The following LMF1 variants were observed in gnomAD, a reference collection of about 807,000 sequenced individuals.
The protein encoded by LMF1 is lipase maturation factor 1, also known as transmembrane protein 112.
A neutral mutation model predicts 60.6 loss-of-function variants in LMF1; 68 were observed. The ratio of observed to expected loss-of-function variants is 1.12; its 90% CI spans 0.92 to 1.37. LMF1 has a LOEUF of 1.37. Ranked by LOEUF, LMF1 falls within the 40% of genes most tolerant of loss-of-function variation. LMF1 has a pLI of 0.00. For synonymous variants in LMF1, 418 were observed against 324.7 expected (o/e 1.29, Z -3.09); for missense variants, 948 against 767.2 (o/e 1.24, Z -2.78).
At chr16:979,685 G>C (rs2151513682) in intron 1 of LMF1, 1 of 454,118 alleles carries the variant, frequency 2.2e-6, no homozygotes, top group South Asian at 1.6e-5. Context: ...TAATGCAACT[G>C]CTTTTCTTTG....
intron 1 of LMF1, chr16:979,424 C>T (rs1228394058): frequency 2.9e-6 from 1 of 347,456 alleles, no homozygotes; most frequent in Non-Finnish European, 5.7e-6. Context: ...CCTCCTGTGG[C>T]AGCCTGCACG....
At chr16:956,383 G>A (rs548607080) in intron 1 of LMF1, among the ~76,000 whole-genome samples, 2 of 152,310 alleles carry the variant, frequency 1.3e-5, no homozygotes, top group South Asian at 2.1e-4. Context: ...ACATTCCCAT[G>A]TGTAAACGTG....
intron 3 of LMF1, among the ~76,000 whole-genome samples, chr16:924,731 G>C (rs949892918): frequency 4.6e-5 from 7 of 152,218 alleles, no homozygotes; most frequent in African/African-American, 1.7e-4. Flanking sequence ...CCAGGCACTG[G>C]AAATGATAAA....
intron 1 of LMF1, chr16:979,865 T>TA (rs1165454802): frequency 2.3e-6 from 1 of 425,554 alleles, no homozygotes; most frequent in Non-Finnish European, 4.8e-6. Flanking sequence ...ATCCCAGGCC[T>TA]AACAGATGAG....
At chr16:860,437 T>C (rs2069426971) in intron 10 of LMF1, among the ~76,000 whole-genome samples, 1 of 151,880 alleles carries the variant, frequency 6.6e-6, no homozygotes, top group South Asian at 2.1e-4. Context: ...CCTCCCAGGC[T>C]CAAGTGATCC....
At chr16:859,508 GTGTTGTCAC>G (rs2151684321) in intron 10 of LMF1, among the ~76,000 whole-genome samples, 2 of 75,520 alleles carry the variant, frequency 2.6e-5, no homozygotes, top group Non-Finnish European at 4.9e-5. Flanking sequence ...CGGGTGTGCA[GTGTTGTCAC>G]GGGACGGGTG....
At chr16:953,401 C>G (rs366644) in intron 2 of LMF1, among the ~76,000 whole-genome samples, 16 of 26,986 alleles carry the variant, frequency 5.9e-4, no homozygotes, top group Middle Eastern at 0.028. Flanking sequence ...ACACAGACAC[C>G]CACCCCAAAC....
intron 3 of LMF1, among the ~76,000 whole-genome samples, chr16:916,868 T>C (rs557121045): frequency 1.2e-4 from 18 of 152,300 alleles, no homozygotes; most frequent in African/African-American, 4.1e-4. Context: ...ACCTCCCGGG[T>C]GTCCCCTCGC....
At position 871,189 on chromosome 16, in the gene LMF1, G is replaced by A. The variant is rs2069778945; in HGVS notation, c.1050C>T (p.Ile350=). 3 of 1,608,110 alleles carry A rather than the reference G, an allele frequency of 1.9e-6. No individual in the cohort carries two copies. Among genetic ancestry groups the A allele is most frequent in the Non-Finnish European group, 2.5e-6 (3 of 1,178,126 alleles). ...ATCTGGGCTCGGGCCGGGCCCCTCG[G>A]ATGTCCCTCTGCATCTGCAGAACTC... ...KDRVLQMQRD[I]RGARPEPRFG... The change falls in exon 7 of 11, where the codon ATC becomes ATT. Residue 350 remains isoleucine (I), a synonymous_variant. Transcript: ENST00000262301.
At chr16:865,321 G>C (rs1399229095) in intron 10 of LMF1, among the ~76,000 whole-genome samples, 1 of 152,176 alleles carries the variant, frequency 6.6e-6, no homozygotes, top group Non-Finnish European at 1.5e-5. Flanking sequence ...TGGAACTCAA[G>C]AGAAGGAACG....
chr16:978,196 C>T lies in LMF1; in HGVS notation c.-135+2949G>A, dbSNP rs569233744. On this transcript the variant is annotated intron_variant, in intron 1 of 6. Transcript: ENST00000570014. ...ACCATACACGCACCCCACACACATA[C>T]ATCACACACATCATACACATACACA... Among the ~76,000 whole-genome samples the T allele has an allele frequency of 1.6e-3, 245 of 150,724 alleles. 1 individual carries two copies. Among genetic ancestry groups the T allele is most frequent in the Non-Finnish European group, 2.5e-3 (167 of 67,542 alleles).
chr16:981,339 AGAGAG>A, upstream of LMF1: 7 of 306,146 alleles, frequency 2.3e-5, no homozygotes, highest in African/African-American at 5.8e-5. Flanking sequence ...AGAGAGAGAG[AGAGAG>A]AGAGTGTGTG....
chr16:954,154 G>A, intron 2 of LMF1: 1 of 696,180 alleles, frequency 1.4e-6, no homozygotes, highest in African/African-American at 1.7e-5. Context: ...CTGCAAAGAG[G>A]TGGGGTTTTA....
At chr16:857,208 G>A (rs1361455904) in intron 10 of LMF1, among the ~76,000 whole-genome samples, 2 of 152,230 alleles carry the variant, frequency 1.3e-5, no homozygotes, top group Non-Finnish European at 2.9e-5. Context: ...TGTCTGTGAC[G>A]GCTGCCGTAA....
At chr16:978,234 C>G (rs984518331) in intron 1 of LMF1, among the ~76,000 whole-genome samples, 1 of 151,778 alleles carries the variant, frequency 6.6e-6, no homozygotes, top group South Asian at 2.1e-4. Flanking sequence ...ACACACCATA[C>G]ACACCATACG....
intron 3 of LMF1, among the ~76,000 whole-genome samples, chr16:918,586 A>G (rs1012685228): frequency 8.6e-5 from 13 of 151,972 alleles, no homozygotes; most frequent in African/African-American, 2.7e-4. Flanking sequence ...CCTCCAAGGG[A>G]CTCATGAGAC....
chr16:944,843 C>T (rs1040335730), intron 2 of LMF1, among the ~76,000 whole-genome samples: 5 of 152,178 alleles, frequency 3.3e-5, no homozygotes, highest in African/African-American at 1.2e-4. Context: ...ATTGTCATCC[C>T]TGCCCCTTTG....
chr16:879,524 C>A, intron 6 of LMF1, 46 bp downstream of exon 6: 19 of 1,598,662 alleles, frequency 1.2e-5, no homozygotes, highest in Non-Finnish European at 1.6e-5. Context: ...GGGCGACGGG[C>A]CAGCGTCTCT....
upstream of LMF1, among the ~76,000 whole-genome samples, chr16:974,770 C>G (rs539092850): frequency 6.6e-6 from 1 of 152,230 alleles, no homozygotes; most frequent in African/African-American, 2.4e-5. Context: ...CCCAGCACCC[C>G]GGCCTGGCAG....
Sources: allele counts gnomAD v4.1 joint callset (sites outside exome capture counted in the v4.1 genomes callset), GRCh38; gene constraint gnomAD v4.1.1; transcripts MANE v1.5; gene names NCBI Gene and HGNC (gene_info 2026-07-23, HGNC 2026-07-21).